TBC1D1: variants seen among roughly 807,000 people sequenced by gnomAD.
TBC1D1 encodes the protein TBC1 domain family member 1.
A neutral mutation model predicts 125.6 loss-of-function variants in TBC1D1; 89 were observed. That is an observed-to-expected ratio of 0.71 (90% CI 0.60 to 0.85). The LOEUF is 0.85. TBC1D1 is among the 40% of genes least tolerant of loss of function. The probability of loss-of-function intolerance (pLI) is 0.00; values close to 1 mark genes in which losing one functional copy is unlikely to be tolerated. For missense variants in TBC1D1, 1,377 were observed against 1,469.2 expected (o/e 0.94, Z 1.03); for synonymous variants, 565 against 564.1 (o/e 1.00, Z -0.02).
At chr4:37,908,902 G>C (rs1236811693) in intron 2 of TBC1D1, among the ~76,000 whole-genome samples, 4 of 152,168 alleles carry the variant, frequency 2.6e-5, no homozygotes, top group Non-Finnish European at 5.9e-5. Flanking sequence ...ATTAAACGTC[G>C]CTGGAGAAGA....
intron 2 of TBC1D1, among the ~76,000 whole-genome samples, chr4:37,919,582 TA>T (rs1201935795): frequency 3.3e-5 from 5 of 151,566 alleles, no homozygotes; most frequent in Admixed American, 1.3e-4. Flanking sequence ...GATCACTGGT[TA>T]AAAAAAAGAG....
chr4:38,104,493 G>A (rs970544548), intron 15 of TBC1D1, among the ~76,000 whole-genome samples: 9 of 152,190 alleles, frequency 5.9e-5, no homozygotes, highest in East Asian at 3.9e-4. Flanking sequence ...GAGCTGGCTC[G>A]ATGTGGTAGG....
At chr4:38,025,608 A>C (rs1744919905) in intron 6 of TBC1D1, among the ~76,000 whole-genome samples, 1 of 152,156 alleles carries the variant, frequency 6.6e-6, no homozygotes, top group East Asian at 1.9e-4. Context: ...AACTCTTCTT[A>C]AGCCTTGGGG....
chr4:37,928,712 G>A (rs1035399125), intron 2 of TBC1D1, among the ~76,000 whole-genome samples: 36 of 152,356 alleles, frequency 2.4e-4, no homozygotes, highest in African/African-American at 7.9e-4. Flanking sequence ...GAGGAATTAT[G>A]ACTGGCTGCT....
At chr4:37,983,259 C>G (rs1385922812) in intron 2 of TBC1D1, among the ~76,000 whole-genome samples, 4 of 151,760 alleles carry the variant, frequency 2.6e-5, no homozygotes, top group Non-Finnish European at 4.4e-5. Flanking sequence ...GGATTACAGG[C>G]AGGTGCCACC....
rs58659939 is a variant in TBC1D1 at position 38,052,167 on chromosome 4, CTGTGTGTGTGTG to C, written c.1911-2015_1911-2004del. 3,559 of 722,402 alleles carry C rather than the reference CTGTGTGTGTGTG, an allele frequency of 4.9e-3. 1 individual carries two copies. The highest frequency in any genetic ancestry group is 0.02 in the East Asian group (625 of 30,642). 44.7% of individuals were successfully genotyped at this position (722,402 alleles called of 1,614,324 possible). A position where few individuals can be genotyped will look rare whatever the true frequency, so the allele number is the denominator to read the frequency against. ...AATGTCCATGCAGGAAGCAGAGCCA[CTGTGTGTGTGTG>C]TGTGTGTGTGTGTGTGCGCGCGCGT... is the stretch of plus-strand genomic sequence containing the variant. On this transcript the variant is annotated intron_variant, in intron 11 of 19. Transcript: ENST00000261439.
At chr4:38,116,161 A>G in intron 16 of TBC1D1, among the ~76,000 whole-genome samples, 1 of 152,132 alleles carries the variant, frequency 6.6e-6, no homozygotes, top group East Asian at 1.9e-4. Flanking sequence ...CTCAATTTGT[A>G]GATTGGAAAA....
chr4:38,011,362 A>G (rs1255685393), intron 2 of TBC1D1, among the ~76,000 whole-genome samples: 3 of 151,918 alleles, frequency 2.0e-5, no homozygotes, highest in Non-Finnish European at 4.4e-5. Context: ...TCAAAAAAAA[A>G]AAAAAAGAAA....
intron 10 of TBC1D1, among the ~76,000 whole-genome samples, chr4:38,049,058 G>A (rs1403239947): frequency 6.6e-6 from 1 of 152,172 alleles, no homozygotes; most frequent in African/African-American, 2.4e-5. Flanking sequence ...AAATTGAGGT[G>A]CAGAAAGAAA....
At chr4:38,112,094 C>G in intron 15 of TBC1D1, 1 of 985,180 alleles carries the variant, frequency 1.0e-6, no homozygotes, top group Non-Finnish European at 1.2e-6. Flanking sequence ...AAGCCTTGAC[C>G]AGTTTGGGTA....
At chr4:37,953,360 G>T (rs539494082) in intron 2 of TBC1D1, among the ~76,000 whole-genome samples, 1 of 152,258 alleles carries the variant, frequency 6.6e-6, no homozygotes, top group Admixed American at 6.5e-5. Flanking sequence ...TTTCAAAGTG[G>T]CATGTGCAAT....
chr4:38,054,827 G>A (rs1028385472), intron 12 of TBC1D1, among the ~76,000 whole-genome samples: 2 of 152,232 alleles, frequency 1.3e-5, no homozygotes, highest in East Asian at 3.9e-4. Context: ...CATACTTCCG[G>A]GGTCTTGCGT....
intron 2 of TBC1D1, among the ~76,000 whole-genome samples, chr4:37,922,090 T>C (rs1253426295): frequency 3.3e-5 from 5 of 152,168 alleles, no homozygotes; most frequent in African/African-American, 9.7e-5. Context: ...CACTTTTTTT[T>C]CCTCCTTTTT....
chr4:38,036,085 A>G (rs1053964035), intron 8 of TBC1D1, among the ~76,000 whole-genome samples: 1 of 152,212 alleles, frequency 6.6e-6, no homozygotes, highest in Non-Finnish European at 1.5e-5. Flanking sequence ...AAGTACCTGA[A>G]CGTCCTTTGT....
intron 18 of TBC1D1, among the ~76,000 whole-genome samples, chr4:38,126,996 A>T (rs931651759): frequency 1.3e-5 from 2 of 150,288 alleles, no homozygotes; most frequent in Non-Finnish European, 3.0e-5. Context: ...TCTTTCTTTC[A>T]TTCATTCTCT....
intron 2 of TBC1D1, among the ~76,000 whole-genome samples, chr4:37,943,073 T>G (rs566386294): frequency 2.0e-5 from 3 of 152,292 alleles, no homozygotes; most frequent in African/African-American, 7.2e-5. Flanking sequence ...TGTAAAGGAT[T>G]TTATTTCTCC....
intron 2 of TBC1D1, among the ~76,000 whole-genome samples, chr4:37,906,154 T>TCCC (rs113545613): frequency 0.011 from 1,688 of 151,734 alleles, 31 homozygotes; most frequent in African/African-American, 0.038. Context: ...CTTTTTCTTT[T>TCCC]CCCCCCCGCT....
At chr4:38,095,743 G>A (rs1038071545) in intron 13 of TBC1D1, among the ~76,000 whole-genome samples, 186 bp from the exon 16 acceptor site, 1 of 152,120 alleles carries the variant, frequency 6.6e-6, no homozygotes, top group South Asian at 2.1e-4. Flanking sequence ...ATACCTCCTA[G>A]GTTTTTAGCA....
intron 11 of TBC1D1, 131 bp downstream of exon 13, chr4:38,053,356 TCTTA>T: frequency 1.2e-6 from 1 of 824,000 alleles, no homozygotes; most frequent in Admixed American, 4.4e-5. Flanking sequence ...GTATCTTCTT[TCTTA>T]TACTTTTTTC....
Sources: gnomAD v4.1 joint callset for allele counts (sites outside exome capture counted in the v4.1 genomes callset) on GRCh38, gnomAD v4.1.1 for gene constraint, MANE v1.5 for transcripts, NCBI Gene and HGNC (gene_info 2026-07-23, HGNC 2026-07-21) for gene names.